The following LRFN5 variants were observed in gnomAD, a reference collection of about 807,000 sequenced individuals.
LRFN5 encodes leucine rich repeat and fibronectin type III domain containing 5.
LRFN5 carries 24 observed loss-of-function variants against 45.6 expected under a neutral mutation model. The observed-to-expected ratio is 0.53, with a 90% confidence interval of 0.38 to 0.74. The LOEUF is 0.74. Among genes scored for constraint, LRFN5 ranks in the 30% least tolerant of loss-of-function variants. LRFN5 has a pLI of 0.00. For synonymous variants in LRFN5, 340 were observed against 313.8 expected, an observed-to-expected ratio of 1.08 and a Z score of -0.88; for missense variants, 776 against 861.5, an observed-to-expected ratio of 0.90 and a Z score of 1.24.
chr14:41,729,438 G>A (rs1184654279), intron 1 of LRFN5, among the ~76,000 whole-genome samples: 1 of 151,990 alleles, frequency 6.6e-6, no homozygotes, highest in African/African-American at 2.4e-5. Context: ...GTAGAACCAT[G>A]AGCCAATTAA....
intron 2 of LRFN5, among the ~76,000 whole-genome samples, chr14:41,782,286 T>G (rs1332477271): frequency 1.3e-5 from 2 of 152,014 alleles, no homozygotes; most frequent in Non-Finnish European, 1.5e-5. Context: ...TTTCTCAAAC[T>G]TGTTAAGTCT....
intron 2 of LRFN5, among the ~76,000 whole-genome samples, chr14:41,815,541 C>T (rs566010071): frequency 3.2e-4 from 48 of 151,994 alleles, no homozygotes; most frequent in African/African-American, 8.9e-4. Flanking sequence ...AGTTTGAGAG[C>T]GGTTGGGCAA....
intron 1 of LRFN5, among the ~76,000 whole-genome samples, chr14:41,760,613 G>A (rs1057378057): frequency 1.1e-4 from 17 of 152,102 alleles, no homozygotes; most frequent in African/African-American, 3.9e-4. Context: ...TTTATAAAAT[G>A]TGCAGTATTA....
intron 2 of LRFN5, among the ~76,000 whole-genome samples, chr14:41,869,572 T>A (rs1404997115): frequency 1.3e-5 from 2 of 152,148 alleles, no homozygotes; most frequent in African/African-American, 2.4e-5. Context: ...TATTAGTCTG[T>A]TTTCATGCTG....
intron 1 of LRFN5, among the ~76,000 whole-genome samples, chr14:41,758,398 AG>A (rs1302492191): frequency 6.6e-6 from 1 of 152,244 alleles, no homozygotes; most frequent in East Asian, 1.9e-4. Flanking sequence ...CTACTTTCAA[AG>A]AAGTAACCCT....
At chr14:41,714,914 AAG>A (rs1234726445) in intron 1 of LRFN5, among the ~76,000 whole-genome samples, 2 of 152,178 alleles carry the variant, frequency 1.3e-5, no homozygotes, top group Non-Finnish European at 2.9e-5. Context: ...TTTTAAAAAA[AAG>A]TGCTGAAAAA....
At chr14:41,890,631 C>CCA in intron 3 of LRFN5, among the ~76,000 whole-genome samples, 1 of 150,246 alleles carries the variant, frequency 6.7e-6, no homozygotes, top group Middle Eastern at 3.4e-3. Flanking sequence ...GGCGTGAACC[C>CCA]GGGAGGCGGA....
At chr14:41,722,417 T>A (rs1213172145) in intron 1 of LRFN5, among the ~76,000 whole-genome samples, 2 of 152,162 alleles carry the variant, frequency 1.3e-5, no homozygotes, top group East Asian at 3.9e-4. Context: ...ATCCATTGGT[T>A]GTTTCACTGC....
At chr14:41,673,350 C>CCGG (rs1881338363) in intron 1 of LRFN5, among the ~76,000 whole-genome samples, 1 of 149,750 alleles carries the variant, frequency 6.7e-6, no homozygotes, top group Non-Finnish European at 1.5e-5. Context: ...GGGGGCTGAC[C>CCGG]CCCCACCTCC....
chr14:41,644,574 G>A (rs555000681), intron 1 of LRFN5, among the ~76,000 whole-genome samples: 5 of 152,092 alleles, frequency 3.3e-5, no homozygotes, highest in African/African-American at 4.8e-5. Context: ...GGAGATAGTC[G>A]GAGTGTGTGT....
At chr14:41,856,414 C>G (rs1053820960) in intron 2 of LRFN5, among the ~76,000 whole-genome samples, 1 of 152,088 alleles carries the variant, frequency 6.6e-6, no homozygotes, top group Non-Finnish European at 1.5e-5. Flanking sequence ...CTTCAAGGGG[C>G]TTCTATCTCT....
chr14:41,651,361 C>T (rs993518325), intron 1 of LRFN5, among the ~76,000 whole-genome samples: 4 of 152,102 alleles, frequency 2.6e-5, no homozygotes, highest in African/African-American at 9.7e-5. Flanking sequence ...AAGGAGAACA[C>T]TCTCAAACTA....
intron 1 of LRFN5, among the ~76,000 whole-genome samples, chr14:41,714,900 A>C (rs1566633201): frequency 6.6e-6 from 1 of 151,876 alleles, no homozygotes; most frequent in Non-Finnish European, 1.5e-5. Flanking sequence ...GTAAGACCCT[A>C]TTTTTTTAAA....
chr14:41,837,203 A>G (rs5003409), intron 2 of LRFN5, among the ~76,000 whole-genome samples: 8 of 145,898 alleles, frequency 5.5e-5, no homozygotes, highest in African/African-American at 1.9e-4. Context: ...ACAAAAAAAA[A>G]AAAAAAAAAA....
intron 1 of LRFN5, among the ~76,000 whole-genome samples, chr14:41,673,611 C>G (rs1235988212): frequency 3.6e-5 from 5 of 139,756 alleles, no homozygotes; most frequent in African/African-American, 5.4e-5. Context: ...GGCGGCTGGC[C>G]GGGCAGGGGA....
intron 1 of LRFN5, among the ~76,000 whole-genome samples, chr14:41,618,734 T>C (rs1269776922): frequency 6.6e-6 from 1 of 152,198 alleles, no homozygotes; most frequent in African/African-American, 2.4e-5. Flanking sequence ...TACTGAGACA[T>C]AGCCAGCCAC....
chr14:41,652,758 A>G (rs1182877832), intron 1 of LRFN5, among the ~76,000 whole-genome samples: 1 of 152,104 alleles, frequency 6.6e-6, no homozygotes, highest in African/African-American at 2.4e-5. Context: ...AAAATGGTTG[A>G]ACTAATTTGT....
At chr14:41,635,032 AATT>A (rs1382163884) in intron 1 of LRFN5, among the ~76,000 whole-genome samples, 2 of 152,052 alleles carry the variant, frequency 1.3e-5, no homozygotes, top group African/African-American at 2.4e-5. Context: ...ACAATCGGGG[AATT>A]ATTATACCAT....
At chr14:41,858,434 C>T (rs905635644) in intron 2 of LRFN5, among the ~76,000 whole-genome samples, 3 of 152,104 alleles carry the variant, frequency 2.0e-5, no homozygotes, top group Middle Eastern at 3.4e-3. Context: ...TTTTTCCCTC[C>T]CTGCCAATAA....
Sources: gnomAD v4.1 joint callset for allele counts (sites outside exome capture counted in the v4.1 genomes callset) on GRCh38, gnomAD v4.1.1 for gene constraint, MANE v1.5 for transcripts, NCBI Gene and HGNC (gene_info 2026-07-23, HGNC 2026-07-21) for gene names.